RBFOX1: variants seen among roughly 807,000 people sequenced by gnomAD.
RBFOX1 encodes RNA binding fox-1 homolog 1.
RBFOX1 carries 8 observed loss-of-function variants against 57.7 expected under a neutral mutation model. That is an observed-to-expected ratio of 0.14 (90% confidence interval 0.08 to 0.25). The LOEUF (loss-of-function observed/expected upper bound fraction) is 0.25, where lower values mean the gene tolerates loss of function less well. RBFOX1 is among the 10% of genes least tolerant of loss of function. The pLI is 1.00. For synonymous variants in RBFOX1, 326 were observed against 222.4 expected (o/e 1.47, Z -4.15); for missense variants, 611 against 548.5 (o/e 1.11, Z -1.14).
chr16:7,418,675 T>A (rs925639829), intron 4 of RBFOX1, among the ~76,000 whole-genome samples: 1 of 152,178 alleles, frequency 6.6e-6, no homozygotes, highest in Non-Finnish European at 1.5e-5. Flanking sequence ...TTTACTCCCT[T>A]ACTTTTGCAA....
At chr16:6,084,998 T>C (rs2096063778) in intron 1 of RBFOX1, among the ~76,000 whole-genome samples, 1 of 152,186 alleles carries the variant, frequency 6.6e-6, no homozygotes, top group Non-Finnish European at 1.5e-5. Flanking sequence ...TGGTTTCCTT[T>C]TCCCCAATCA....
intron 2 of RBFOX1, among the ~76,000 whole-genome samples, chr16:6,631,705 T>C (rs2098387067): frequency 1.3e-5 from 2 of 151,986 alleles, no homozygotes; most frequent in Admixed American, 1.3e-4. Context: ...GATAAAGCAT[T>C]GCTGGCTGGG....
chr16:5,819,884 C>G (rs1441810340), intron 3 of RBFOX1, among the ~76,000 whole-genome samples: 1 of 152,202 alleles, frequency 6.6e-6, no homozygotes, highest in Non-Finnish European at 1.5e-5. Context: ...TGCCCTGTCA[C>G]TTTTTCATTC....
At position 5,704,890 on chromosome 16, in the gene RBFOX1, T is replaced by C. The variant is rs190057069; in HGVS notation, c.318+105929T>C. 1.1e-4 allele frequency among the ~76,000 whole-genome samples: 16 copies of C among 152,296 alleles called. No homozygotes were observed. The East Asian group carries it at 2.9e-3, about 28-fold the overall frequency. ...AATTAGGAATGAGACTTATCGGGCT[T>C]CTTACATCATGGGGATTTAACTACC... On this transcript the variant is annotated intron_variant, in intron 3 of 19. Coordinates refer to the RBFOX1 transcript ENST00000641259.
rs544473492 is a variant in RBFOX1 at position 6,752,283 on chromosome 16, G to A, written c.-16+97633G>A. ...TAACATCGAAGTGATAGATTGAAAT[G>A]CAATTTGGATGTACTCCAGACCTCC... On this transcript the variant is annotated intron_variant, in intron 3 of 15. Transcript: ENST00000550418. Among the ~76,000 whole-genome samples the A allele has an allele frequency of 1.1e-4, 17 of 152,264 alleles. No homozygotes were observed. The Middle Eastern group carries it at 0.01, about 91-fold the overall frequency.
At chr16:5,629,780 T>C (rs149311063) in intron 3 of RBFOX1, among the ~76,000 whole-genome samples, 10 of 152,304 alleles carry the variant, frequency 6.6e-5, no homozygotes, top group African/African-American at 1.9e-4. Flanking sequence ...TTCTGTTCAG[T>C]TGGAAGCAAC....
intron 2 of RBFOX1, among the ~76,000 whole-genome samples, chr16:6,344,238 A>G (rs1216428023): frequency 1.3e-5 from 2 of 151,772 alleles, no homozygotes; most frequent in Non-Finnish European, 2.9e-5. Flanking sequence ...TTTAGTAGAC[A>G]CGGGGTTTCA....
At chr16:6,270,710 A>G (rs187686662) in intron 1 of RBFOX1, among the ~76,000 whole-genome samples, 225 of 152,320 alleles carry the variant, frequency 1.5e-3, no homozygotes, top group Non-Finnish European at 2.5e-3. Flanking sequence ...CAATGCAACC[A>G]TTATCCATCA....
chr16:6,620,223 G>C (rs1460518733), intron 2 of RBFOX1, among the ~76,000 whole-genome samples: 1 of 152,146 alleles, frequency 6.6e-6, no homozygotes, highest in East Asian at 1.9e-4. Context: ...CATGGAAATT[G>C]AATAACCTGT....
intron 1 of RBFOX1, among the ~76,000 whole-genome samples, chr16:5,254,391 C>A (rs2062531008): frequency 6.6e-6 from 1 of 152,114 alleles, no homozygotes. Flanking sequence ...TGTCTGTGGG[C>A]CTTCTTACTG....
At chr16:7,473,508 T>C (rs992204719) in intron 4 of RBFOX1, among the ~76,000 whole-genome samples, 2 of 148,392 alleles carry the variant, frequency 1.3e-5, no homozygotes, top group Admixed American at 1.4e-4. Flanking sequence ...TATGTACATA[T>C]GTATTATATA....
At chr16:6,563,835 AATATAT>A (rs541520395) in intron 2 of RBFOX1, among the ~76,000 whole-genome samples, 1 of 151,206 alleles carries the variant, frequency 6.6e-6, no homozygotes, top group Non-Finnish European at 1.5e-5. Flanking sequence ...CCAAAAAAAA[AATATAT>A]ATATATGTGT....
At chr16:7,255,036 T>C (rs771439881) in intron 4 of RBFOX1, among the ~76,000 whole-genome samples, 1 of 152,236 alleles carries the variant, frequency 6.6e-6, no homozygotes, top group Admixed American at 6.5e-5. Flanking sequence ...TTTGGAACTT[T>C]ATAACAGTAG....
chr16:6,643,421 A>T (rs1373537020), intron 2 of RBFOX1, among the ~76,000 whole-genome samples: 1 of 150,938 alleles, frequency 6.6e-6, no homozygotes, highest in Non-Finnish European at 1.5e-5. Context: ...TTTGTTTGTT[A>T]GTTTTGTTTT....
chr16:6,210,692 C>G (rs2097290634), intron 1 of RBFOX1, among the ~76,000 whole-genome samples: 1 of 151,326 alleles, frequency 6.6e-6, no homozygotes, highest in African/African-American at 2.4e-5. Context: ...CACTGCACTC[C>G]AGTGCCTGGG....
intron 2 of RBFOX1, among the ~76,000 whole-genome samples, chr16:6,329,748 A>G (rs921571569): frequency 3.3e-5 from 5 of 152,180 alleles, no homozygotes; most frequent in African/African-American, 1.2e-4. Context: ...CCAAGCCAAC[A>G]TGGTCAAACC....
At chr16:6,433,030 T>A (rs1259897675) in intron 2 of RBFOX1, among the ~76,000 whole-genome samples, 3 of 152,126 alleles carry the variant, frequency 2.0e-5, no homozygotes, top group African/African-American at 7.2e-5. Flanking sequence ...AATCATGCTG[T>A]CTTACTTGTG....
chr16:5,287,458 G>A (rs757447969), intron 1 of RBFOX1, among the ~76,000 whole-genome samples: 9 of 152,184 alleles, frequency 5.9e-5, no homozygotes, highest in Non-Finnish European at 1.2e-4. Context: ...TTAAAAATTG[G>A]TTAAAATCTA....
intron 3 of RBFOX1, among the ~76,000 whole-genome samples, chr16:6,696,539 T>C (rs2061076886): frequency 6.6e-6 from 1 of 152,200 alleles, no homozygotes; most frequent in African/African-American, 2.4e-5. Context: ...ACTTCAAATA[T>C]TTATTTGAGG....
Sources: gnomAD v4.1 joint callset for allele counts (sites outside exome capture counted in the v4.1 genomes callset) on GRCh38, gnomAD v4.1.1 for gene constraint, MANE v1.5 for transcripts, NCBI Gene and HGNC (gene_info 2026-07-23, HGNC 2026-07-21) for gene names.